GPC6: variants seen among roughly 807,000 people sequenced by gnomAD.
GPC6 encodes glypican-6.
In GPC6, 14 loss-of-function variants were observed where a neutral mutation model predicts 55.2. The observed-to-expected ratio is 0.25, with a 90% confidence interval of 0.17 to 0.40. GPC6 has a LOEUF of 0.40. Among genes scored for constraint, GPC6 ranks in the 10% least tolerant of loss-of-function variants. The probability of loss-of-function intolerance (pLI) is 1.00; values close to 1 mark genes in which losing one functional copy is unlikely to be tolerated. For missense variants in GPC6, 641 were observed against 708.5 expected, an observed-to-expected ratio of 0.90 and a Z score of 1.08; for synonymous variants, 278 against 259.6, an observed-to-expected ratio of 1.07 and a Z score of -0.68.
At chr13:93,327,770 T>TAA (rs1879708523) in intron 1 of GPC6, among the ~76,000 whole-genome samples, 1 of 151,364 alleles carries the variant, frequency 6.6e-6, no homozygotes, top group Non-Finnish European at 1.5e-5. Flanking sequence ...AATATATATA[T>TAA]ATGTATTAAA....
chr13:93,554,958 T>C (rs1309803937), intron 2 of GPC6, among the ~76,000 whole-genome samples: 1 of 152,212 alleles, frequency 6.6e-6, no homozygotes, highest in Admixed American at 6.5e-5. Context: ...TAGTTTACAG[T>C]CTTCACACTG....
chr13:93,654,120 A>G (rs1190715465), intron 2 of GPC6, among the ~76,000 whole-genome samples: 2 of 151,898 alleles, frequency 1.3e-5, no homozygotes, highest in Non-Finnish European at 2.9e-5. Flanking sequence ...TTATTTGTAG[A>G]CCCTCCTTCT....
intron 6 of GPC6, among the ~76,000 whole-genome samples, chr13:94,354,203 A>C (rs1270910118): frequency 6.6e-6 from 1 of 152,190 alleles, no homozygotes; most frequent in Non-Finnish European, 1.5e-5. Flanking sequence ...GGAATGAATA[A>C]GTTCTGATGG....
chr13:93,714,839 A>G (rs1314338226), intron 2 of GPC6, among the ~76,000 whole-genome samples: 1 of 151,724 alleles, frequency 6.6e-6, no homozygotes, highest in Middle Eastern at 3.4e-3. Context: ...AGGGTTATTC[A>G]TAAGCTTTTC....
intron 1 of GPC6, among the ~76,000 whole-genome samples, chr13:93,346,882 T>A (rs1398423156): frequency 6.6e-6 from 1 of 151,584 alleles, no homozygotes; most frequent in East Asian, 1.9e-4. Context: ...AATAAAAATG[T>A]CATGAACTAG....
At chr13:93,650,525 C>G (rs1305439246) in intron 2 of GPC6, among the ~76,000 whole-genome samples, 2 of 151,936 alleles carry the variant, frequency 1.3e-5, no homozygotes, top group African/African-American at 2.4e-5. Flanking sequence ...TTCTAACACA[C>G]TGGGAACACA....
intron 3 of GPC6, among the ~76,000 whole-genome samples, chr13:93,844,920 G>A (rs1383708113): frequency 5.3e-5 from 8 of 152,012 alleles, no homozygotes; most frequent in Non-Finnish European, 8.8e-5. Flanking sequence ...CCCATTGCTT[G>A]TTTTTCTGAG....
At chr13:93,482,754 G>GA (rs2139343557) in intron 1 of GPC6, among the ~76,000 whole-genome samples, 1 of 152,238 alleles carries the variant, frequency 6.6e-6, no homozygotes, top group African/African-American at 2.4e-5. Flanking sequence ...TTTTGTTACA[G>GA]GAAATTATAG....
At chr13:93,509,136 G>C (rs139031266) in intron 1 of GPC6, among the ~76,000 whole-genome samples, 1 of 152,250 alleles carries the variant, frequency 6.6e-6, no homozygotes, top group African/African-American at 2.4e-5. Flanking sequence ...GTGCATTTGA[G>C]TTAGACTTAA....
intron 3 of GPC6, among the ~76,000 whole-genome samples, chr13:93,956,859 T>C (rs1453448513): frequency 6.6e-6 from 1 of 152,318 alleles, no homozygotes; most frequent in Middle Eastern, 3.4e-3. Flanking sequence ...TTAAAATGGT[T>C]ACAGAAAATC....
chr13:94,204,822 C>T (rs900409714), intron 4 of GPC6, among the ~76,000 whole-genome samples: 1 of 152,132 alleles, frequency 6.6e-6, no homozygotes, highest in African/African-American at 2.4e-5. Context: ...CAGCCTTGTT[C>T]AGCATTATAT....
Position 93,332,722 on chromosome 13 carries a change from T to A in GPC6, c.160+105106T>A, listed in dbSNP as rs146477611. Among the ~76,000 whole-genome samples, 153 of 152,284 alleles carry A rather than the reference T, an allele frequency of 1.0e-3. 3 individuals carry two copies. The East Asian group carries it at 0.029, about 29-fold the overall frequency. On this transcript the variant is annotated intron_variant, in intron 1 of 8. Coordinates refer to ENST00000377047, the MANE Select transcript of GPC6 (RefSeq NM_005708.5). ...CAGAAGATTTTTAGCTTGATATAAT[T>A]CCATTTGTCAATTTTGCTTTGGTTA...
chr13:94,398,639 C>A lies in GPC6; in HGVS notation c.1463C>A (p.Thr488Lys). 6.2e-7 allele frequency: 1 copy of A among 1,613,782 alleles called. No individual in the cohort carries two copies. The highest frequency in any genetic ancestry group is 8.5e-7 in the Non-Finnish European group (1 of 1,179,716). ...YNGNDVNFQD[T>K]SDESSGSGSG... ...GGCAATGATGTCAATTTCCAGGACA[C>A]AAGTAAGAAAATCCTTCCCAGCACC... The change falls in exon 8 of 9, where the codon ACA becomes AAA. Residue 488 changes from threonine (T) to lysine (K), a missense_variant and splice_region_variant. Transcript: ENST00000377047.
chr13:93,833,846 C>T (rs1485943914), intron 3 of GPC6, among the ~76,000 whole-genome samples: 6 of 152,062 alleles, frequency 3.9e-5, no homozygotes, highest in African/African-American at 1.4e-4. Flanking sequence ...TTCTAGCCTT[C>T]AGATGGGGCC....
At chr13:94,161,974 G>A (rs780016717) in intron 4 of GPC6, among the ~76,000 whole-genome samples, 8 of 152,028 alleles carry the variant, frequency 5.3e-5, no homozygotes, top group East Asian at 1.9e-4. Context: ...TCATAAAACC[G>A]TCAGATCTCA....
intron 6 of GPC6, among the ~76,000 whole-genome samples, chr13:94,309,699 T>A (rs1457714996): frequency 7.4e-6 from 1 of 135,430 alleles, no homozygotes. Flanking sequence ...TAGCTGCTCA[T>A]GGAAAGCCAA....
At chr13:94,214,059 T>C (rs1446125349) in intron 4 of GPC6, among the ~76,000 whole-genome samples, 1 of 152,246 alleles carries the variant, frequency 6.6e-6, no homozygotes, top group Non-Finnish European at 1.5e-5. Context: ...AAAAATATTG[T>C]CAGTCTCTTA....
At chr13:93,395,273 C>T (rs1233650063) in intron 1 of GPC6, 1 of 483,056 alleles carries the variant, frequency 2.1e-6, no homozygotes, top group African/African-American at 2.0e-5. Context: ...GTTTCCAGAA[C>T]CACTTTGACC....
At chr13:94,036,843 G>A (rs1357543093) in intron 4 of GPC6, among the ~76,000 whole-genome samples, 2 of 151,960 alleles carry the variant, frequency 1.3e-5, no homozygotes, top group African/African-American at 4.8e-5. Flanking sequence ...TTGACTTCAG[G>A]AGGAGGGTAT....
Sources: allele counts gnomAD v4.1 joint callset (sites outside exome capture counted in the v4.1 genomes callset), GRCh38; gene constraint gnomAD v4.1.1; transcripts MANE v1.5; gene names NCBI Gene and HGNC (gene_info 2026-07-23, HGNC 2026-07-21).